The following AFG2A variants were observed in gnomAD, a reference collection of about 807,000 sequenced individuals.
AFG2A encodes AAA ATPase AFG2A.
the AFG2A span, among the ~76,000 whole-genome samples, chr4:123,064,029 A>G: frequency 2.0e-5 from 3 of 152,298 alleles, no homozygotes; most frequent in Non-Finnish European, 4.4e-5. Flanking sequence ...CGTGCTTATG[A>G]AAGTATCTAA....
the AFG2A span, chr4:123,256,222 G>T: frequency 6.3e-7 from 1 of 1,597,924 alleles, no homozygotes. Context: ...GGAGGAAAGC[G>T]GTGGCTCAGG....
chr4:123,245,790 A>G, the AFG2A span, among the ~76,000 whole-genome samples: 1 of 152,214 alleles, frequency 6.6e-6, no homozygotes, highest in African/African-American at 2.4e-5. Context: ...TTGTTTTAAT[A>G]CAAATATACG....
the AFG2A span, chr4:123,313,915 C>T: frequency 1.1e-5 from 18 of 1,606,110 alleles, no homozygotes; most frequent in Non-Finnish European, 1.4e-5. Context: ...AGAGGCAGCT[C>T]TTCTGGCTCT....
At chr4:123,166,922 T>C in the AFG2A span, among the ~76,000 whole-genome samples, 1 of 152,104 alleles carries the variant, frequency 6.6e-6, no homozygotes, top group African/African-American at 2.4e-5. Flanking sequence ...GTATATACTA[T>C]ATTAGTAAAA....
At chr4:123,161,860 A>C in the AFG2A span, among the ~76,000 whole-genome samples, 2 of 152,318 alleles carry the variant, frequency 1.3e-5, no homozygotes, top group Non-Finnish European at 2.9e-5. Flanking sequence ...GTAATGTATA[A>C]AGAAAAGTGT....
At chr4:123,123,908 C>T in the AFG2A span, among the ~76,000 whole-genome samples, 10 of 143,252 alleles carry the variant, frequency 7.0e-5, no homozygotes, top group East Asian at 2.0e-4. Flanking sequence ...GTCGAGATCG[C>T]GCCACTGCAC....
chr4:122,993,648 A>G, the AFG2A span, among the ~76,000 whole-genome samples: 9 of 152,098 alleles, frequency 5.9e-5, no homozygotes, highest in Non-Finnish European at 1.2e-4. Flanking sequence ...TTTATGATAT[A>G]TGACAAAAAT....
At chr4:123,111,938 G>A in the AFG2A span, among the ~76,000 whole-genome samples, 1 of 152,070 alleles carries the variant, frequency 6.6e-6, no homozygotes, top group Non-Finnish European at 1.5e-5. Flanking sequence ...GGCCAGGCTG[G>A]TCTTGAACTC....
At chr4:123,136,986 G>A in the AFG2A span, among the ~76,000 whole-genome samples, 4 of 152,146 alleles carry the variant, frequency 2.6e-5, no homozygotes, top group African/African-American at 4.8e-5. Context: ...GTGTGGGGCG[G>A]GGGTTGGTTT....
the AFG2A span, among the ~76,000 whole-genome samples, chr4:123,016,541 G>A: frequency 1.3e-4 from 19 of 151,284 alleles, 2 homozygotes; most frequent in South Asian, 3.3e-3. Context: ...GGGCAGAGAC[G>A]CTCCTCACTT....
the AFG2A span, among the ~76,000 whole-genome samples, chr4:123,302,147 C>T: frequency 2.8e-4 from 43 of 152,318 alleles, no homozygotes; most frequent in South Asian, 8.9e-3. Flanking sequence ...CTCCCAAGCT[C>T]CCAGAGCACC....
the AFG2A span, among the ~76,000 whole-genome samples, chr4:123,239,350 C>G: frequency 6.6e-6 from 1 of 152,214 alleles, no homozygotes; most frequent in Admixed American, 6.5e-5. Flanking sequence ...AGATACTCCT[C>G]AAGAAGAGCA....
chr4:123,135,101 A>C, the AFG2A span, among the ~76,000 whole-genome samples: 1 of 152,208 alleles, frequency 6.6e-6, no homozygotes, highest in Non-Finnish European at 1.5e-5. Flanking sequence ...AGATTGCTTC[A>C]ACATAAGCAA....
the AFG2A span, among the ~76,000 whole-genome samples, chr4:123,263,404 A>G: frequency 2.0e-5 from 3 of 152,174 alleles, no homozygotes; most frequent in Non-Finnish European, 4.4e-5. Flanking sequence ...TGTCTTCTCC[A>G]CCTTTATCTC....
the AFG2A span, among the ~76,000 whole-genome samples, chr4:123,069,625 T>TA: frequency 6.6e-6 from 1 of 152,210 alleles, no homozygotes; most frequent in East Asian, 1.9e-4. Context: ...CACAGAATCT[T>TA]ACAGTATGTT....
the AFG2A span, among the ~76,000 whole-genome samples, chr4:123,114,435 C>T: frequency 6.6e-6 from 1 of 152,228 alleles, no homozygotes; most frequent in Admixed American, 6.5e-5. Flanking sequence ...CCCAGAGCCT[C>T]ATTCAGCTCC....
At chr4:123,290,828 A>G in the AFG2A span, among the ~76,000 whole-genome samples, 1 of 152,176 alleles carries the variant, frequency 6.6e-6, no homozygotes, top group South Asian at 2.1e-4. Context: ...TGTGGGAGTT[A>G]AAAATCAAGA....
At chr4:123,146,276 T>G in the AFG2A span, among the ~76,000 whole-genome samples, 1 of 152,072 alleles carries the variant, frequency 6.6e-6, no homozygotes, top group South Asian at 2.1e-4. Flanking sequence ...TAGTGAGATA[T>G]AGTTAGTAAA....
the AFG2A span, chr4:123,256,797 G>T: frequency 3.0e-6 from 3 of 984,456 alleles, no homozygotes; most frequent in Non-Finnish European, 3.6e-6. Context: ...TTTATGTATG[G>T]CAGATTAACA....
Sources: allele counts gnomAD v4.1 joint callset (sites outside exome capture counted in the v4.1 genomes callset), GRCh38; gene constraint gnomAD v4.1.1; transcripts MANE v1.5; gene names NCBI Gene and HGNC (gene_info 2026-07-23, HGNC 2026-07-21).